Variants in PVT1 observed in about 807,000 individuals in gnomAD.
PVT1 encodes the protein Pvt1 oncogene.
chr8:127,848,832 A>G (rs1376522044), intron 2 of PVT1, among the ~76,000 whole-genome samples: 1 of 152,234 alleles, frequency 6.6e-6, no homozygotes, highest in Admixed American at 6.5e-5. Context: ...ACAGCCTGGC[A>G]GAGGACATGA....
chr8:127,797,413 CCA>C (rs1339162169), intron 2 of PVT1, among the ~76,000 whole-genome samples: 2 of 152,084 alleles, frequency 1.3e-5, no homozygotes, highest in African/African-American at 4.8e-5. Context: ...ATTTATATTC[CCA>C]GTGTCCATGG....
chr8:127,943,771 C>A (rs1385711541), intron 3 of PVT1, among the ~76,000 whole-genome samples: 1 of 152,178 alleles, frequency 6.6e-6, no homozygotes, highest in Non-Finnish European at 1.5e-5. Context: ...GGCTCTTCCA[C>A]AGAGCCTTCT....
intron 3 of PVT1, among the ~76,000 whole-genome samples, chr8:127,942,211 T>C (rs1563645763): frequency 6.6e-6 from 1 of 152,160 alleles, no homozygotes. Context: ...TGTGTGAATG[T>C]GGAAGGGATA....
intron 5 of PVT1, among the ~76,000 whole-genome samples, chr8:128,083,693 C>T (rs1814219904): frequency 6.6e-6 from 1 of 152,224 alleles, no homozygotes; most frequent in Non-Finnish European, 1.5e-5. Flanking sequence ...TATTCTTTGA[C>T]TCTCCTCATA....
At chr8:127,801,098 C>T (rs996035979) in intron 2 of PVT1, among the ~76,000 whole-genome samples, 2 of 152,104 alleles carry the variant, frequency 1.3e-5, no homozygotes, top group African/African-American at 4.8e-5. Flanking sequence ...CCAGGAGAAG[C>T]GTGAGATGAG....
intron 2 of PVT1, among the ~76,000 whole-genome samples, chr8:127,845,768 T>C (rs1450586224): frequency 6.6e-6 from 1 of 152,172 alleles, no homozygotes; most frequent in Non-Finnish European, 1.5e-5. Flanking sequence ...CCTGAGATAA[T>C]TGCAGAACAG....
chr8:127,881,120 C>T (rs535011312), intron 2 of PVT1, among the ~76,000 whole-genome samples: 1 of 152,136 alleles, frequency 6.6e-6, no homozygotes, highest in Non-Finnish European at 1.5e-5. Context: ...CTTGTGGAGA[C>T]CCACATTGTG....
At chr8:128,049,883 C>A (rs116960725) in intron 4 of PVT1, among the ~76,000 whole-genome samples, 1 of 152,314 alleles carries the variant, frequency 6.6e-6, no homozygotes, top group East Asian at 1.9e-4. Context: ...TTCCATTGAT[C>A]TCTTTGCCTC....
chr8:127,936,420 A>G (rs1484390372), intron 3 of PVT1, among the ~76,000 whole-genome samples: 1 of 152,064 alleles, frequency 6.6e-6, no homozygotes, highest in Non-Finnish European at 1.5e-5. Context: ...TTGAATGAGG[A>G]TCACTCCATT....
At chr8:128,049,236 T>C (rs752979715) in intron 4 of PVT1, 4 of 528,510 alleles carry the variant, frequency 7.6e-6, no homozygotes, top group South Asian at 4.2e-5. Flanking sequence ...ACAGCACTTC[T>C]GTTAGCTGAC....
intron 2 of PVT1, among the ~76,000 whole-genome samples, chr8:127,866,039 A>G (rs986982668): frequency 6.6e-5 from 10 of 152,166 alleles, no homozygotes; most frequent in African/African-American, 2.2e-4. Flanking sequence ...TCTCCCTCTG[A>G]CAGCGCAGCC....
chr8:127,932,205 C>T (rs1816213911), intron 3 of PVT1, among the ~76,000 whole-genome samples: 2 of 152,190 alleles, frequency 1.3e-5, no homozygotes, highest in Non-Finnish European at 2.9e-5. Context: ...GCAGGTGAGG[C>T]CCAGCCATGG....
At chr8:127,939,085 C>T (rs1816312504) in intron 3 of PVT1, among the ~76,000 whole-genome samples, 1 of 152,252 alleles carries the variant, frequency 6.6e-6, no homozygotes, top group African/African-American at 2.4e-5. Context: ...GGTCTTCTTG[C>T]TTCCGCTTTC....
At chr8:127,925,204 T>A (rs889651860) in intron 3 of PVT1, among the ~76,000 whole-genome samples, 1 of 152,232 alleles carries the variant, frequency 6.6e-6, no homozygotes, top group Non-Finnish European at 1.5e-5. Flanking sequence ...TAGATCAGCA[T>A]GTCATTTCTC....
chr8:127,863,407 G>T (rs78319061), intron 2 of PVT1, among the ~76,000 whole-genome samples: 1,639 of 152,274 alleles, frequency 0.011, 30 homozygotes, highest in African/African-American at 0.037. Context: ...ACCGTGCCTG[G>T]CCAGTTGCCA....
chr8:128,068,489 T>C (rs1314827043), intron 4 of PVT1, among the ~76,000 whole-genome samples: 1 of 151,714 alleles, frequency 6.6e-6, no homozygotes, highest in African/African-American at 2.4e-5. Context: ...TTAGAATAGG[T>C]TTTGTGTTTT....
At chr8:127,812,625 A>AGAGG (rs1370503469) in intron 2 of PVT1, among the ~76,000 whole-genome samples, 1 of 135,554 alleles carries the variant, frequency 7.4e-6, no homozygotes, top group African/African-American at 2.8e-5. Context: ...GGAAAGGGAG[A>AGAGG]GAGGAAGGAA....
intron 2 of PVT1, among the ~76,000 whole-genome samples, chr8:127,864,522 G>A (rs1013507760): frequency 2.0e-5 from 3 of 151,988 alleles, no homozygotes; most frequent in Non-Finnish European, 4.4e-5. Flanking sequence ...CTTTTCACAC[G>A]GACATGTGTT....
At chr8:127,843,074 G>A (rs1264001443) in intron 2 of PVT1, among the ~76,000 whole-genome samples, 1 of 152,196 alleles carries the variant, frequency 6.6e-6, no homozygotes, top group Non-Finnish European at 1.5e-5. Flanking sequence ...TAGTGATATG[G>A]GCTGGGCACG....
Sources: gnomAD v4.1 joint callset for allele counts (sites outside exome capture counted in the v4.1 genomes callset) on GRCh38, gnomAD v4.1.1 for gene constraint, MANE v1.5 for transcripts, NCBI Gene and HGNC (gene_info 2026-07-23, HGNC 2026-07-21) for gene names.